ZNG1B: variants seen among roughly 807,000 people sequenced by gnomAD.
The protein encoded by ZNG1B is Zn regulated GTPase metalloprotein activator 1B.
At chr2:113,473,125 A>G in the ZNG1B span, among the ~76,000 whole-genome samples, 2 of 150,258 alleles carry the variant, frequency 1.3e-5, no homozygotes, top group South Asian at 2.1e-4. Context: ...TGAGCATGGA[A>G]TGTTCTTCCA....
chr2:113,489,057 A>G, the ZNG1B span, among the ~76,000 whole-genome samples: 1 of 151,532 alleles, frequency 6.6e-6, no homozygotes, highest in South Asian at 2.1e-4. Context: ...ATCTAGGCAC[A>G]TTGTCGTCAG....
the ZNG1B span, chr2:113,495,172 A>G: frequency 1.4e-4 from 216 of 1,500,542 alleles, 38 homozygotes; most frequent in African/African-American, 3.1e-3. Flanking sequence ...CAGGGTGTCC[A>G]TGAGCTCTAT....
the ZNG1B span, chr2:113,481,996 A>G: frequency 7.4e-6 from 7 of 943,406 alleles, no homozygotes; most frequent in Non-Finnish European, 1.1e-5. Context: ...GAAATTTTAA[A>G]AAAACTTAAT....
the ZNG1B span, among the ~76,000 whole-genome samples, chr2:113,442,821 T>C: frequency 2.0e-5 from 3 of 152,198 alleles, no homozygotes; most frequent in Non-Finnish European, 4.4e-5. Flanking sequence ...TTAGTGGGCT[T>C]TTAGAACTTC....
At chr2:113,458,251 C>CA in the ZNG1B span, among the ~76,000 whole-genome samples, 1 of 152,112 alleles carries the variant, frequency 6.6e-6, no homozygotes, top group Non-Finnish European at 1.5e-5. Context: ...GAATAGAAGA[C>CA]ATTGATTTTG....
the ZNG1B span, among the ~76,000 whole-genome samples, chr2:113,474,739 G>T: frequency 3.3e-5 from 5 of 151,868 alleles, no homozygotes; most frequent in Non-Finnish European, 5.9e-5. Context: ...CCTTCATTTT[G>T]TTATGTACCC....
At chr2:113,462,296 A>C in the ZNG1B span, 34 of 1,136,636 alleles carry the variant, frequency 3.0e-5, no homozygotes, top group Non-Finnish European at 4.1e-5. Context: ...ATTGATCTAC[A>C]TGAGGCGTTT....
the ZNG1B span, chr2:113,495,275 T>G: frequency 7.9e-6 from 12 of 1,513,974 alleles, 2 homozygotes; most frequent in Non-Finnish European, 1.1e-5. Context: ...TTCACAGTTT[T>G]AAAACAAAGT....
At chr2:113,438,421 A>G in the ZNG1B span, among the ~76,000 whole-genome samples, 4 of 152,098 alleles carry the variant, frequency 2.6e-5, no homozygotes, top group Non-Finnish European at 5.9e-5. Context: ...CCATTAAAGG[A>G]TGTCCCGTCT....
the ZNG1B span, chr2:113,457,130 C>T: frequency 2.2e-6 from 1 of 454,768 alleles, no homozygotes; most frequent in Non-Finnish European, 4.4e-6. Context: ...AGGCTACTGA[C>T]ATTGTTCTTT....
At chr2:113,489,727 C>T in the ZNG1B span, among the ~76,000 whole-genome samples, 2 of 151,094 alleles carry the variant, frequency 1.3e-5, no homozygotes, top group African/African-American at 4.9e-5. Context: ...TTATATTAGA[C>T]AAAACAAACT....
the ZNG1B span, among the ~76,000 whole-genome samples, chr2:113,490,152 A>G: frequency 1.3e-5 from 2 of 152,124 alleles, no homozygotes; most frequent in Non-Finnish European, 2.9e-5. Context: ...AATTAAAATT[A>G]TATCAAGCAC....
At chr2:113,491,969 TAAA>T in the ZNG1B span, among the ~76,000 whole-genome samples, 1 of 123,934 alleles carries the variant, frequency 8.1e-6, no homozygotes, top group Non-Finnish European at 1.7e-5. Flanking sequence ...ATGGCCATAA[TAAA>T]AAAATCAAAA....
the ZNG1B span, among the ~76,000 whole-genome samples, chr2:113,479,052 C>T: frequency 1.3e-5 from 2 of 151,660 alleles, no homozygotes; most frequent in East Asian, 1.9e-4. Flanking sequence ...TTTCGGAGTA[C>T]CTGGAAAAAA....
chr2:113,446,783 C>T, the ZNG1B span, among the ~76,000 whole-genome samples: 2 of 151,964 alleles, frequency 1.3e-5, no homozygotes, highest in Non-Finnish European at 2.9e-5. Flanking sequence ...CACACACACA[C>T]ACACACACAT....
At chr2:113,487,217 G>A in the ZNG1B span, among the ~76,000 whole-genome samples, 483 of 152,284 alleles carry the variant, frequency 3.2e-3, 7 homozygotes, top group African/African-American at 0.011. Flanking sequence ...ATGCTGTACA[G>A]GTTTGTAGCC....
chr2:113,447,417 A>G, the ZNG1B span: 1 of 452,764 alleles, frequency 2.2e-6, no homozygotes, highest in South Asian at 1.6e-5. Context: ...CTCAGCTTTC[A>G]GCAAGTCATA....
the ZNG1B span, chr2:113,494,615 A>T: frequency 1.4e-5 from 13 of 930,250 alleles, 1 homozygote; most frequent in South Asian, 6.1e-4. Flanking sequence ...CATTTCTGCA[A>T]ATCAATACAC....
At chr2:113,452,402 C>T in the ZNG1B span, among the ~76,000 whole-genome samples, 1 of 150,752 alleles carries the variant, frequency 6.6e-6, no homozygotes, top group Non-Finnish European at 1.5e-5. Flanking sequence ...TTAGACAGCC[C>T]TGTCACTAAC....
Sources: allele counts gnomAD v4.1 joint callset (sites outside exome capture counted in the v4.1 genomes callset), GRCh38; gene constraint gnomAD v4.1.1; transcripts MANE v1.5; gene names NCBI Gene and HGNC (gene_info 2026-07-23, HGNC 2026-07-21).